GALNT16: variants seen among roughly 807,000 people sequenced by gnomAD.
GALNT16 encodes the protein UDP-GalNAc:polypeptide N-acetylgalactosaminyltransferase-like protein 1.
A neutral mutation model predicts 76.1 loss-of-function variants in GALNT16; 40 were observed. The ratio of observed to expected loss-of-function variants is 0.53; its 90% CI spans 0.41 to 0.68. GALNT16 has a LOEUF of 0.68. Ranked by LOEUF, GALNT16 falls within the 30% of genes least tolerant of loss-of-function variation. The probability of loss-of-function intolerance (pLI) is 0.00; values close to 1 mark genes in which losing one functional copy is unlikely to be tolerated. For synonymous variants in GALNT16, 276 were observed against 285.2 expected (o/e 0.97, Z 0.32); for missense variants, 621 against 731.9 (o/e 0.85, Z 1.75).
At chr14:69,367,612 C>G in the GALNT16 span, among the ~76,000 whole-genome samples, 24 of 146,658 alleles carry the variant, frequency 1.6e-4, no homozygotes, top group African/African-American at 4.8e-4. Flanking sequence ...TGATAGAGAG[C>G]TTCAAGAATT....
chr14:69,380,098 CAA>C, the GALNT16 span: 1,082 of 114,312 alleles, frequency 9.5e-3, 3 homozygotes, highest in African/African-American at 0.016. Flanking sequence ...TGTTCAAAGA[CAA>C]AAAAAAAAAA....
chr14:69,265,492 C>A (rs2044331640), intron 1 of GALNT16, among the ~76,000 whole-genome samples: 1 of 152,170 alleles, frequency 6.6e-6, no homozygotes. Flanking sequence ...CACTGGTAGA[C>A]CAGGGCCAGG....
intron 1 of GALNT16, among the ~76,000 whole-genome samples, chr14:69,275,865 C>T (rs887205027): frequency 2.0e-5 from 3 of 152,126 alleles, no homozygotes; most frequent in Non-Finnish European, 2.9e-5. Context: ...TGTATTAGTC[C>T]GTTTTCACGC....
chr14:69,328,659 GC>G, intron 6 of GALNT16, 88 bp downstream of exon 6: 1 of 1,400,362 alleles, frequency 7.1e-7, no homozygotes, highest in Non-Finnish European at 9.7e-7. Context: ...AGTATTTGAA[GC>G]TGGGCAGGCA....
chr14:69,360,457 A>G (rs71423356), downstream of GALNT16, among the ~76,000 whole-genome samples: 47,165 of 151,622 alleles, frequency 0.31, 7,452 homozygotes, highest in Middle Eastern at 0.34. Flanking sequence ...GTGAAACCAC[A>G]TCTCTACTAA....
chr14:69,272,767 C>A (rs74611987), intron 1 of GALNT16, among the ~76,000 whole-genome samples: 1 of 152,118 alleles, frequency 6.6e-6, no homozygotes, highest in South Asian at 2.1e-4. Context: ...ACTTTTTATA[C>A]GTTTAGATAC....
Position 69,352,247 on chromosome 14 carries a change from G to A in GALNT16, c.*79G>A. On this transcript the variant is annotated 3_prime_UTR_variant, in exon 15 of 15. Transcript: ENST00000448469. Reference sequence around the variant, plus strand: ...GGGTTAGGGTGGGGGAGTGCAAAGTGGGCTGTTCCCATCTCCTCACATTTC... The same window carrying A: ...GGGTTAGGGTGGGGGAGTGCAAAGTAGGCTGTTCCCATCTCCTCACATTTC... 1 of 1,266,326 alleles carries A rather than the reference G, an allele frequency of 7.9e-7. No individual in the cohort carries two copies. The allele number at this position is 1,266,326 out of a possible 1,614,324, so 78.4% of individuals were successfully genotyped here. A position where few individuals can be genotyped will look rare whatever the true frequency, so the allele number is the denominator to read the frequency against.
intron 1 of GALNT16, among the ~76,000 whole-genome samples, chr14:69,271,567 C>T (rs80098507): frequency 0.013 from 1,962 of 152,316 alleles, 48 homozygotes; most frequent in African/African-American, 0.045. Flanking sequence ...ACTGTGCTCA[C>T]CAGTGCAGTG....
At chr14:69,265,564 G>A (rs1476029137) in intron 1 of GALNT16, among the ~76,000 whole-genome samples, 4 of 152,196 alleles carry the variant, frequency 2.6e-5, no homozygotes, top group African/African-American at 7.2e-5. Context: ...TCAGAGGGGA[G>A]CCTATAGCCA....
chr14:69,327,079 T>C (rs1251809079), intron 5 of GALNT16, among the ~76,000 whole-genome samples: 1 of 152,048 alleles, frequency 6.6e-6, no homozygotes, highest in Non-Finnish European at 1.5e-5. Flanking sequence ...AGGGATGTGA[T>C]TGATATGTTT....
At chr14:69,385,812 T>G in the GALNT16 span, among the ~76,000 whole-genome samples, 3 of 152,158 alleles carry the variant, frequency 2.0e-5, no homozygotes, top group Non-Finnish European at 2.9e-5. Context: ...AGGGGTCAAT[T>G]AAATTCTCAG....
At chr14:69,276,397 T>C (rs967515736) in intron 1 of GALNT16, among the ~76,000 whole-genome samples, 6 of 152,142 alleles carry the variant, frequency 3.9e-5, no homozygotes, top group African/African-American at 1.2e-4. Context: ...GAAAGAAGCT[T>C]GGAGGCTGGG....
intron 1 of GALNT16, among the ~76,000 whole-genome samples, chr14:69,285,080 G>C (rs1039148752): frequency 1.6e-5 from 2 of 126,544 alleles, no homozygotes; most frequent in Non-Finnish European, 3.1e-5. Flanking sequence ...TCGCTCTTTC[G>C]CCCAGGCTGG....
chr14:69,352,278 G>A lies in GALNT16; in HGVS notation c.*110G>A, dbSNP rs1325906742. 2.0e-6 allele frequency: 2 copies of A among 1,007,280 alleles called. No individual in the cohort carries two copies. Among genetic ancestry groups the A allele is most frequent in the Admixed American group, 2.9e-5 (1 of 34,492 alleles). The allele number at this position is 1,007,280 out of a possible 1,614,324, so 62.4% of individuals were successfully genotyped here. A position where few individuals can be genotyped will look rare whatever the true frequency, so the allele number is the denominator to read the frequency against. On this transcript the variant is annotated 3_prime_UTR_variant, in exon 15 of 15. Coordinates refer to ENST00000448469, the MANE Select transcript of GALNT16 (RefSeq NM_001168368.2). ...TTCCCATCTCCTCACATTTCTGCCA[G>A]GACCATCAGCAAATACCCACCATGA...
In GALNT16 at chr14:69,333,187, C is replaced by T. The variant is rs779501017; in HGVS notation, c.863+18C>T. ...CCCATAAGGTCAGAGCTGCGGTGGG[C>T]TCTGGGGGACCCCTTCCTTCCCTGG... is the stretch of plus-strand genomic sequence containing the variant. On this transcript the variant is annotated intron_variant, in intron 8 of 14. Transcript: ENST00000448469. The surrounding 1 kb of genome is among the most constrained non-coding windows in gnomAD (Gnocchi z 4.2). The T allele has an allele frequency of 1.3e-6, 2 of 1,535,700 alleles. No individual in the cohort carries two copies. The highest frequency in any genetic ancestry group is 1.8e-6 in the Non-Finnish European group (2 of 1,120,214).
At chr14:69,297,765 T>G (rs1237951002) in intron 1 of GALNT16, among the ~76,000 whole-genome samples, 4 of 152,212 alleles carry the variant, frequency 2.6e-5, no homozygotes, top group African/African-American at 9.7e-5. Context: ...TCTCAGTTCT[T>G]CTAAGTCTCT....
At chr14:69,305,074 C>G (rs903963416) in intron 1 of GALNT16, among the ~76,000 whole-genome samples, 22 of 150,166 alleles carry the variant, frequency 1.5e-4, no homozygotes, top group Non-Finnish European at 2.7e-4. Context: ...CGCCATTTCA[C>G]ATTCCCACTG....
At chr14:69,337,923 G>A (rs1268042258) in intron 9 of GALNT16, among the ~76,000 whole-genome samples, 2 of 152,180 alleles carry the variant, frequency 1.3e-5, no homozygotes, top group African/African-American at 4.8e-5. Context: ...AGGAAAGTAC[G>A]AAATCAAAAG....
In GALNT16 at chr14:69,261,389, C is replaced by T. The variant is rs2044269664; in HGVS notation, c.177+922C>T. On this transcript the variant is annotated intron_variant, in intron 1 of 14. Transcript: ENST00000448469. This position sits in a 1 kb window ranked among gnomAD's most constrained non-coding sequence, Gnocchi z 6.4. ...TGTTGAGGCGGGAGGCTTTGGCACC[C>T]GCCGAGAGTGCGCTCGAGCGGGCGC... 6.6e-6 allele frequency among the ~76,000 whole-genome samples: 1 copy of T among 152,064 alleles called. No individual in the cohort carries two copies. The highest frequency in any genetic ancestry group is 1.5e-5 in the Non-Finnish European group (1 of 67,998).
Sources: allele counts gnomAD v4.1 joint callset (sites outside exome capture counted in the v4.1 genomes callset), GRCh38; gene constraint gnomAD v4.1.1; non-coding constraint Gnocchi (gnomAD v3.1); transcripts MANE v1.5; gene names NCBI Gene and HGNC (gene_info 2026-07-23, HGNC 2026-07-21).